Variants in RASGEF1C observed in about 807,000 individuals in gnomAD.
The protein encoded by RASGEF1C is ras-GEF domain-containing family member 1C.
In RASGEF1C, 27 loss-of-function variants were observed where a neutral mutation model predicts 58.1. The ratio of observed to expected loss-of-function variants is 0.46; its 90% confidence interval spans 0.34 to 0.64. The LOEUF is 0.64. Among genes scored for constraint, RASGEF1C ranks in the 30% least tolerant of loss-of-function variants. The probability of loss-of-function intolerance (pLI) is 0.01; values close to 1 mark genes in which losing one functional copy is unlikely to be tolerated. For missense variants in RASGEF1C, 502 were observed against 605.1 expected (o/e 0.83, Z 1.79); for synonymous variants, 243 against 246.3 (o/e 0.99, Z 0.13).
intron 11 of RASGEF1C, among the ~76,000 whole-genome samples, chr5:180,113,925 C>T (rs1237856465): frequency 6.6e-6 from 1 of 152,066 alleles, no homozygotes; most frequent in African/African-American, 2.4e-5. Flanking sequence ...GGAGGCCTGA[C>T]AGGTGGGCTC....
intron 1 of RASGEF1C, among the ~76,000 whole-genome samples, chr5:180,170,818 C>T (rs975701068): frequency 1.3e-5 from 2 of 152,242 alleles, no homozygotes; most frequent in Non-Finnish European, 2.9e-5. Flanking sequence ...TACCCCGGTC[C>T]TGCTCCGCTT....
At chr5:180,133,536 C>T (rs561628242) in intron 4 of RASGEF1C, among the ~76,000 whole-genome samples, 29 of 152,328 alleles carry the variant, frequency 1.9e-4, no homozygotes, top group Middle Eastern at 3.4e-3. Flanking sequence ...TGAAAAGACC[C>T]GTGCTCACCT....
intron 1 of RASGEF1C, among the ~76,000 whole-genome samples, chr5:180,139,012 C>T (rs1159697059): frequency 6.6e-6 from 1 of 152,168 alleles, no homozygotes; most frequent in Non-Finnish European, 1.5e-5. Context: ...GTGCTGCTGT[C>T]AGTACCTGGC....
In RASGEF1C at chr5:180,126,397, A is replaced by AC. The variant is rs565965021; in HGVS notation, c.714+1211_714+1212insG. Among the ~76,000 whole-genome samples, 45 of 151,970 alleles carry AC rather than the reference A, an allele frequency of 3.0e-4. No individual in the cohort carries two copies. In the South Asian group the frequency reaches 5.8e-3, roughly 20 times the overall value. ...ACTCCAGCCTGGGCGACAGAGTGAG[A>AC]TCCGTCTCAAAAAAAGAAAAAAAAT... On this transcript the variant is annotated intron_variant, in intron 6 of 13. Transcript: ENST00000361132.
At chr5:180,170,567 C>T (rs1483581704) in intron 1 of RASGEF1C, among the ~76,000 whole-genome samples, 5 of 151,954 alleles carry the variant, frequency 3.3e-5, no homozygotes, top group Non-Finnish European at 5.9e-5. Flanking sequence ...GCGGAGCCCC[C>T]GCCCTGGCCA....
intron 1 of RASGEF1C, among the ~76,000 whole-genome samples, chr5:180,153,808 G>A (rs1766805834): frequency 6.6e-6 from 1 of 152,040 alleles, no homozygotes; most frequent in African/African-American, 2.4e-5. Flanking sequence ...CTTGCTAGCA[G>A]AAACAATACT....
intron 4 of RASGEF1C, 117 bp downstream of exon 4, chr5:180,136,261 G>T: frequency 9.2e-7 from 1 of 1,086,962 alleles, no homozygotes; most frequent in Non-Finnish European, 1.3e-6. Flanking sequence ...GGCTGGATTT[G>T]GACGGGCCGT....
chr5:180,172,856 C>T (rs1767134343), intron 1 of RASGEF1C, among the ~76,000 whole-genome samples: 1 of 152,182 alleles, frequency 6.6e-6, no homozygotes, highest in African/African-American at 2.4e-5. Context: ...TCCTCACCTC[C>T]CTGTGCCTCT....
At chr5:180,169,359 ATGGTTCCCTCTGTT>A (rs563293466) in intron 1 of RASGEF1C, among the ~76,000 whole-genome samples, 1 of 152,282 alleles carries the variant, frequency 6.6e-6, no homozygotes, top group African/African-American at 2.4e-5. Context: ...AAGGGCCTTC[ATGGTTCCCTCTGTT>A]TGGAACACAT....
Position 180,101,365 on chromosome 5 carries a change from G to T in RASGEF1C, c.*136C>A. 1 of 813,898 alleles carries T rather than the reference G, an allele frequency of 1.2e-6. No homozygotes were observed. Among genetic ancestry groups the T allele is most frequent in the South Asian group, 1.7e-5 (1 of 58,250 alleles). 50.4% of individuals were successfully genotyped at this position (813,898 alleles called of 1,614,324 possible). ...TATGGCCACTGTGGGGGGGGGGGGG[G>T]CGGGCAGCAGGCCACAGGGTCGGCA... On this transcript the variant is annotated 3_prime_UTR_variant, in exon 14 of 14. Transcript: ENST00000361132.
Position 180,115,813 on chromosome 5 carries a change from G to T in RASGEF1C, c.1084-1272C>A, listed in dbSNP as rs901728326. ...CGGAAGCAGGGCTGAGTCCCAGGTG[G>T]CTCTGCCCTAGTGCCCCGTCCTACC... On this transcript the variant is annotated intron_variant, in intron 10 of 13. Transcript: ENST00000361132. Among the ~76,000 whole-genome samples the T allele has an allele frequency of 3.9e-5, 6 of 152,072 alleles. 1 individual carries two copies. Among genetic ancestry groups the T allele is most frequent in the Admixed American group, 1.3e-4 (2 of 15,264 alleles).
At chr5:180,119,486 C>G in intron 7 of RASGEF1C, 38 bp from the exon 8 acceptor site, 1 of 1,520,706 alleles carries the variant, frequency 6.6e-7, no homozygotes, top group Non-Finnish European at 9.1e-7. Context: ...GGTGACACGC[C>G]TCCACCCTGC....
At position 180,209,066 on chromosome 5, in the gene RASGEF1C, G is replaced by C. The variant is rs933703189; in HGVS notation, c.-45C>G. 1 of 145,116 alleles carries C rather than the reference G, an allele frequency of 6.9e-6. No homozygotes were observed. Among genetic ancestry groups the C allele is most frequent in the African/African-American group, 2.5e-5 (1 of 39,700 alleles). The allele number at this position is 145,116 out of a possible 1,614,324, so 9.0% of individuals were successfully genotyped here. ...GCCGGAACTCCGGGCCCGGCCCATG[G>C]GCAGCTCCCGGTGCGAGCCTCGGCG... On this transcript the variant is annotated 5_prime_UTR_variant, in exon 1 of 14. Coordinates refer to ENST00000361132, the MANE Select transcript of RASGEF1C (RefSeq NM_175062.4).
chr5:180,116,713 C>T (rs927215261), intron 10 of RASGEF1C, among the ~76,000 whole-genome samples: 5 of 152,370 alleles, frequency 3.3e-5, no homozygotes, highest in African/African-American at 7.2e-5. Context: ...TAGTGCGGAG[C>T]GCCCAGGCCA....
intron 4 of RASGEF1C, among the ~76,000 whole-genome samples, chr5:180,134,264 G>A (rs928450385): frequency 5.3e-5 from 8 of 151,982 alleles, no homozygotes; most frequent in African/African-American, 1.2e-4. Context: ...ACTACTGGCC[G>A]GGGCCTAGGT....
rs375685010 is a variant in RASGEF1C at position 180,140,255 on chromosome 5, G to A, written c.-6-2197C>T. 2.4e-4 allele frequency among the ~76,000 whole-genome samples: 36 copies of A among 152,272 alleles called. No homozygotes were observed. In the East Asian group the frequency reaches 3.1e-3, roughly 13 times the overall value. ...GGGGCTGGGCTGCCAGTGGTCCTCC[G>A]ACCTCCAATCACCCATCGTATCACC... On this transcript the variant is annotated intron_variant, in intron 1 of 13. Coordinates refer to ENST00000361132, the MANE Select transcript of RASGEF1C (RefSeq NM_175062.4).
At chr5:180,126,728 C>A (rs115930623) in intron 6 of RASGEF1C, among the ~76,000 whole-genome samples, 290 of 152,290 alleles carry the variant, frequency 1.9e-3, no homozygotes, top group African/African-American at 6.5e-3. Flanking sequence ...GGCAATCTGC[C>A]CCCAGTGTTT....
rs184961092 is a variant in RASGEF1C, at chr5:180,173,730, T to C, written c.-7+35298A>G. 1.8e-3 allele frequency among the ~76,000 whole-genome samples: 267 copies of C among 152,096 alleles called. 1 individual carries two copies. Among genetic ancestry groups the C allele is most frequent in the East Asian group, 0.015 (76 of 5,158 alleles). ...GAGTTTGAGACCAGCCTGGCCAACA[T>C]GGTGAAACCCCGTCTCTACTAAAAA... On this transcript the variant is annotated intron_variant, in intron 1 of 13. Transcript: ENST00000361132.
chr5:180,102,618 C>T (rs983616881), intron 12 of RASGEF1C, among the ~76,000 whole-genome samples: 5 of 152,108 alleles, frequency 3.3e-5, no homozygotes, highest in East Asian at 1.9e-4. Flanking sequence ...TGTGGATGTC[C>T]GGATGCTCCG....
Sources: gnomAD v4.1 joint callset for allele counts (sites outside exome capture counted in the v4.1 genomes callset) on GRCh38, gnomAD v4.1.1 for gene constraint, MANE v1.5 for transcripts, NCBI Gene and HGNC (gene_info 2026-07-23, HGNC 2026-07-21) for gene names.